BEND4: variants seen among roughly 807,000 people sequenced by gnomAD.
The protein encoded by BEND4 is BEN domain-containing protein 4.
BEND4 carries 27 observed loss-of-function variants against 54.7 expected under a neutral mutation model. The ratio of observed to expected loss-of-function variants is 0.49; its 90% CI spans 0.36 to 0.68. The LOEUF is 0.68. BEND4 is among the 30% of genes least tolerant of loss of function. The pLI, the probability that BEND4 is intolerant of heterozygous loss-of-function variation, is 0.00. For synonymous variants in BEND4, 327 were observed against 299.5 expected (o/e 1.09, Z -0.95); for missense variants, 702 against 697.2 (o/e 1.01, Z -0.08).
At chr4:42,142,526 G>C (rs1339482683) in intron 3 of BEND4, among the ~76,000 whole-genome samples, 1 of 150,832 alleles carries the variant, frequency 6.6e-6, no homozygotes, top group Non-Finnish European at 1.5e-5. Flanking sequence ...CCAGCTACTC[G>C]GGAGGCTGAG....
At chr4:42,143,328 T>A (rs1226116507) in intron 3 of BEND4, 100 bp downstream of exon 3, 2 of 1,094,584 alleles carry the variant, frequency 1.8e-6, no homozygotes, top group Non-Finnish European at 2.7e-6. Context: ...CACACATACA[T>A]ATACACATAC....
Position 42,118,934 on chromosome 4 carries a change from T to TA in BEND4, c.1387+1119dup, listed in dbSNP as rs540087221. Among the ~76,000 whole-genome samples, 193 of 152,362 alleles carry TA rather than the reference T, an allele frequency of 1.3e-3. 2 individuals are homozygous for TA. Among genetic ancestry groups the TA allele is most frequent in the African/African-American group, 4.5e-3 (189 of 41,594 alleles). On this transcript the variant is annotated intron_variant, in intron 5 of 5. Coordinates refer to ENST00000502486, the MANE Select transcript of BEND4 (RefSeq NM_207406.4). ...GGTGTGCTGGAGCACTTGTGCCTAGTAAATACAGGCATTTTCGTCTCAGGT... is the reference window on the plus strand; with the variant it reads ...GGTGTGCTGGAGCACTTGTGCCTAGTAAAATACAGGCATTTTCGTCTCAGGT...
At position 42,117,577 on chromosome 4, in the gene BEND4, G is replaced by T. The variant is rs1442291373; in HGVS notation, c.1546C>A (p.His516Asn). Reference sequence around the variant, plus strand: ...AAGACTTCATCCTGAGAAGCCTGGTGATCGATCCCTTCATAAAATGAGCCA... The same window carrying T: ...AAGACTTCATCCTGAGAAGCCTGGTTATCGATCCCTTCATAAAATGAGCCA... The part of the protein sequence containing the change: ...NGGSFYEGID[H>N]QASQDEVFNK... The change falls in exon 6 of 6, where the codon CAC becomes AAC. Residue 516 changes from histidine (H) to asparagine (N), a missense_variant. Coordinates refer to ENST00000502486, the MANE Select transcript of BEND4 (RefSeq NM_207406.4). 9.3e-6 allele frequency: 15 copies of T among 1,613,170 alleles called. No individual in the cohort carries two copies. In the East Asian group the frequency reaches 3.3e-4, roughly 36 times the overall value.
chr4:42,117,820 C>T (rs1301302134), intron 5 of BEND4, 85 bp from the exon 6 acceptor site: 1 of 862,768 alleles, frequency 1.2e-6, no homozygotes, highest in Non-Finnish European at 1.8e-6. Context: ...GCTGCTTAAA[C>T]TTTAACAGAA....
At chr4:42,120,371 A>T (rs1308511840) in intron 4 of BEND4, 77 bp from the exon 5 acceptor site, 42 of 1,532,486 alleles carry the variant, frequency 2.7e-5, no homozygotes, top group Non-Finnish European at 3.5e-5. Flanking sequence ...TTTCAAAGGC[A>T]AACATGCTTT....
At chr4:42,138,128 G>A (rs1199352468) in intron 3 of BEND4, among the ~76,000 whole-genome samples, 1 of 152,168 alleles carries the variant, frequency 6.6e-6, no homozygotes. Context: ...AAAGATGTCT[G>A]CACTCCCACG....
intron 3 of BEND4, among the ~76,000 whole-genome samples, chr4:42,140,846 G>A (rs879651932): frequency 2.6e-5 from 4 of 152,174 alleles, no homozygotes; most frequent in Non-Finnish European, 5.9e-5. Context: ...TCAGAAGCTA[G>A]GAAGGCTCCT....
chr4:42,135,705 G>A (rs1010709198), intron 3 of BEND4, among the ~76,000 whole-genome samples: 1 of 152,134 alleles, frequency 6.6e-6, no homozygotes. Flanking sequence ...AACCCGGGAG[G>A]CAGAGCTTGC....
chr4:42,116,399 A>AG lies in BEND4; in HGVS notation c.*1118dup, dbSNP rs1312589532. On this transcript the variant is annotated 3_prime_UTR_variant, in exon 6 of 6. Coordinates refer to ENST00000502486, the MANE Select transcript of BEND4 (RefSeq NM_207406.4). ...ACATATGGAACTCAACAAATTAACC[A>AG]GGGGATAGCGGCACAGTGCTGACTT... 6.6e-6 allele frequency: 1 copy of AG among 152,270 alleles called. No individual in the cohort carries two copies. The highest frequency in any genetic ancestry group is 2.4e-5 in the African/African-American group (1 of 41,468). The allele number at this position is 152,270 out of a possible 1,614,324, so 9.4% of individuals were successfully genotyped here. A position where few individuals can be genotyped will look rare whatever the true frequency, so the allele number is the denominator to read the frequency against.
chr4:42,143,872 C>T lies in BEND4; in HGVS notation c.610G>A (p.Glu204Lys), dbSNP rs1333806314. ...TGTCTTTCGTTGTAACTTGAGCCTT[C>T]CTGCTTTACGCAAGAAATCATGGAC... Reference protein sequence around the residue: ...SQSMISCVKQEGSSYNERQEH... With the variant: ...SQSMISCVKQKGSSYNERQEH... Residue 204 changes from glutamate (E) to lysine (K), a missense_variant, in exon 3 of 6, where the codon GAA (glutamate) becomes AAA (lysine). Transcript: ENST00000502486. The T allele has an allele frequency of 7.1e-6, 11 of 1,548,210 alleles. No individual in the cohort carries two copies. Among genetic ancestry groups the T allele is most frequent in the Non-Finnish European group, 9.6e-6 (11 of 1,150,992 alleles).
Position 42,115,112 on chromosome 4 carries a change from T to G in BEND4, c.*2406A>C, listed in dbSNP as rs572018446. The G allele has an allele frequency of 6.6e-6, 1 of 152,394 alleles. No individual in the cohort carries two copies. Among genetic ancestry groups the G allele is most frequent in the South Asian group, 2.1e-4 (1 of 4,828 alleles). The allele number at this position is 152,394 out of a possible 1,614,324, so 9.4% of individuals were successfully genotyped here. Reference sequence around the variant, plus strand: ...ATGCTGAGTATGGAGTCTGTCAGCCTTGTGCAAAAGAGATGCCCAACAATT... The same window carrying G: ...ATGCTGAGTATGGAGTCTGTCAGCCGTGTGCAAAAGAGATGCCCAACAATT... On this transcript the variant is annotated 3_prime_UTR_variant, in exon 6 of 6. Coordinates refer to ENST00000502486, the MANE Select transcript of BEND4 (RefSeq NM_207406.4).
chr4:42,113,952 G>A lies in BEND4; in HGVS notation c.*3566C>T, dbSNP rs1719688556. 6.6e-6 allele frequency: 1 copy of A among 152,132 alleles called. No homozygotes were observed. Among genetic ancestry groups the A allele is most frequent in the African/African-American group, 2.4e-5 (1 of 41,422 alleles). 9.4% of individuals were successfully genotyped at this position (152,132 alleles called of 1,614,324 possible). A position where few individuals can be genotyped will look rare whatever the true frequency, so the allele number is the denominator to read the frequency against. ...CACCTAAATGCTGTGGTGGAATGAGGAAAACCAAAAAAGTGATGCGCGGGT... is the reference window on the plus strand; with the variant it reads ...CACCTAAATGCTGTGGTGGAATGAGAAAAACCAAAAAAGTGATGCGCGGGT... On this transcript the variant is annotated 3_prime_UTR_variant, in exon 6 of 6. Coordinates refer to ENST00000502486, the MANE Select transcript of BEND4 (RefSeq NM_207406.4).
At chr4:42,119,547 CT>C (rs879899866) in intron 5 of BEND4, among the ~76,000 whole-genome samples, 300 of 146,660 alleles carry the variant, frequency 2.0e-3, no homozygotes, top group African/African-American at 5.9e-3. Flanking sequence ...TTAATAGAAA[CT>C]TTTTTTTTTT....
In BEND4 at chr4:42,143,446, T is replaced by G. The variant is rs1490009548; in HGVS notation, c.1036A>C (p.Lys346Gln). The change falls in exon 3 of 6, where the codon AAA becomes CAA. Residue 346 changes from lysine to glutamine, a missense_variant. Physicochemically the swap from Lys to Gln is moderately conservative, Grantham distance 53. Coordinates refer to ENST00000502486, the MANE Select transcript of BEND4 (RefSeq NM_207406.4). ...AGGATACCTGGGATGCTCTCTAATT[T>G]CCTTCTGAGCTCTTCATTTTCTTGT... ...LQQENEELRR[K>Q]LESIPVPCQT... 2 of 1,551,900 alleles carry G rather than the reference T, an allele frequency of 1.3e-6. No homozygotes were observed. Among genetic ancestry groups the G allele is most frequent in the Non-Finnish European group, 1.7e-6 (2 of 1,147,062 alleles).
rs1014669842 is a variant in BEND4 at position 42,114,172 on chromosome 4, G to C, written c.*3346C>G. 2.6e-5 allele frequency: 4 copies of C among 152,270 alleles called. No individual in the cohort carries two copies. The East Asian group carries it at 7.7e-4, about 29-fold the overall frequency. 9.4% of individuals were successfully genotyped at this position (152,270 alleles called of 1,614,324 possible). On this transcript the variant is annotated 3_prime_UTR_variant, in exon 6 of 6. Coordinates refer to ENST00000502486, the MANE Select transcript of BEND4 (RefSeq NM_207406.4). ...AGAAATGTGACTTTAGTAACTGCTT[G>C]CAAAATACTGGTCCCCTCCACAGGC...
At position 42,115,641 on chromosome 4, in the gene BEND4, G is replaced by T. The variant is rs910726193; in HGVS notation, c.*1877C>A. ...GTGGTGTTTTTCTTCTAGCGAAGAT[G>T]TCATGTTGTCAAAGAATCTTATAAG... On this transcript the variant is annotated 3_prime_UTR_variant, in exon 6 of 6. Transcript: ENST00000502486. 6.6e-6 allele frequency: 1 copy of T among 152,216 alleles called. No homozygotes were observed. 9.4% of individuals were successfully genotyped at this position (152,216 alleles called of 1,614,324 possible). A position where few individuals can be genotyped will look rare whatever the true frequency, so the allele number is the denominator to read the frequency against.
rs1481409824 is a variant in BEND4, at chr4:42,123,693, A to AG, written c.1146+1889dup. ...TATATTTACTTTGGATCTGTAATTC[A>AG]GAAAAAAAAAAAAAAAAAAAAAAAC... On this transcript the variant is annotated intron_variant, in intron 4 of 5. Coordinates refer to ENST00000502486, the MANE Select transcript of BEND4 (RefSeq NM_207406.4). 5.4e-3 allele frequency among the ~76,000 whole-genome samples: 749 copies of AG among 138,638 alleles called. 10 individuals carry two copies. Among genetic ancestry groups the AG allele is most frequent in the African/African-American group, 0.02 (720 of 36,588 alleles). The allele number at this position is 138,638 out of a possible 152,430, so 91.0% of individuals were successfully genotyped here. A position where few individuals can be genotyped will look rare whatever the true frequency, so the allele number is the denominator to read the frequency against.
Position 42,129,393 on chromosome 4 carries a change from A to G in BEND4, c.1055-3719T>C, listed in dbSNP as rs775087991. On this transcript the variant is annotated intron_variant, in intron 3 of 5. Coordinates refer to ENST00000502486, the MANE Select transcript of BEND4 (RefSeq NM_207406.4). ...TCAATACTATTCCCATTAACCTACC[A>G]TTGACATTCTTCACAGAATTAGAAA... Among the ~76,000 whole-genome samples, 8 of 152,334 alleles carry G rather than the reference A, an allele frequency of 5.3e-5. No homozygotes were observed. The South Asian group carries it at 1.7e-3, about 32-fold the overall frequency.
Position 42,112,478 on chromosome 4 carries a change from T to C in BEND4, c.*5040A>G, listed in dbSNP as rs1259075097. On this transcript the variant is annotated 3_prime_UTR_variant, in exon 6 of 6. Coordinates refer to ENST00000502486, the MANE Select transcript of BEND4 (RefSeq NM_207406.4). Reference sequence around the variant, plus strand: ...TTCCAAGAATAAAGAGGTTTTCAAATGAGTCTTACTAGCAAGACATGCTTT... The same window carrying C: ...TTCCAAGAATAAAGAGGTTTTCAAACGAGTCTTACTAGCAAGACATGCTTT... 1 of 152,220 alleles carries C rather than the reference T, an allele frequency of 6.6e-6. No individual in the cohort carries two copies. The highest frequency in any genetic ancestry group is 1.5e-5 in the Non-Finnish European group (1 of 68,030). The allele number at this position is 152,220 out of a possible 1,614,324, so 9.4% of individuals were successfully genotyped here. A position where few individuals can be genotyped will look rare whatever the true frequency, so the allele number is the denominator to read the frequency against.
Sources: allele counts gnomAD v4.1 joint callset (sites outside exome capture counted in the v4.1 genomes callset), GRCh38; gene constraint gnomAD v4.1.1; transcripts MANE v1.5; gene names NCBI Gene and HGNC (gene_info 2026-07-23, HGNC 2026-07-21).